LRRTM3: variants seen among roughly 807,000 people sequenced by gnomAD.
The protein encoded by LRRTM3 is leucine rich repeat transmembrane neuronal 3.
LRRTM3 carries 24 observed loss-of-function variants against 44.7 expected under a neutral mutation model. The ratio of observed to expected loss-of-function variants is 0.54; its 90% CI spans 0.39 to 0.76. The LOEUF is 0.76. Ranked by LOEUF, LRRTM3 falls within the 30% of genes least tolerant of loss-of-function variation. LRRTM3 has a pLI of 0.00. For missense variants in LRRTM3, 587 were observed against 702.2 expected (o/e 0.84, Z 1.85); for synonymous variants, 277 against 278.7 (o/e 0.99, Z 0.06).
intron 2 of LRRTM3, among the ~76,000 whole-genome samples, chr10:67,008,555 A>C (rs1405026437): frequency 1.3e-5 from 2 of 152,156 alleles, no homozygotes; most frequent in South Asian, 2.1e-4. Context: ...TGAGTTAGCA[A>C]GGCAATTCTC....
intron 2 of LRRTM3, among the ~76,000 whole-genome samples, chr10:67,003,159 T>C (rs1925614): frequency 0.52 from 79,613 of 151,990 alleles, 21,558 homozygotes; most frequent in Middle Eastern, 0.73. Context: ...ACTTCATTCC[T>C]TACCAGGATG....
Position 66,937,073 on chromosome 10 carries a change from T to C in LRRTM3, c.1536+8621T>C, listed in dbSNP as rs565717468. ...GGTAAATAATCCATGTTTCATTCAA[T>C]AAACTATATTTGAGAATTTTTTTTT... On this transcript the variant is annotated intron_variant, in intron 2 of 2. Transcript: ENST00000361320. Among the ~76,000 whole-genome samples, 22 of 152,268 alleles carry C rather than the reference T, an allele frequency of 1.4e-4. No homozygotes were observed. The South Asian group carries it at 4.3e-3, about 30-fold the overall frequency.
At chr10:66,950,031 A>T (rs959292105) in intron 2 of LRRTM3, among the ~76,000 whole-genome samples, 3 of 152,158 alleles carry the variant, frequency 2.0e-5, no homozygotes, top group African/African-American at 7.2e-5. Context: ...TTCTCTATGC[A>T]ATTACTCTTA....
intron 2 of LRRTM3, among the ~76,000 whole-genome samples, chr10:66,958,708 T>C (rs1342232414): frequency 6.6e-6 from 1 of 152,216 alleles, no homozygotes; most frequent in East Asian, 1.9e-4. Flanking sequence ...GAGCCAAATT[T>C]GACAAAGGAA....
chr10:66,961,456 C>T lies in LRRTM3; in HGVS notation c.1536+33004C>T, dbSNP rs577616707. On this transcript the variant is annotated intron_variant, in intron 2 of 2. Transcript: ENST00000361320. Reference sequence around the variant, plus strand: ...CCATCTTCATTACATTCAAGCATGCCACTCACTGGTGATTTTCTTCCAACC... The same window carrying T: ...CCATCTTCATTACATTCAAGCATGCTACTCACTGGTGATTTTCTTCCAACC... Among the ~76,000 whole-genome samples the T allele has an allele frequency of 7.2e-5, 11 of 152,276 alleles. No homozygotes were observed. In the South Asian group the frequency reaches 2.3e-3, roughly 32 times the overall value.
chr10:66,978,558 T>TATATATATATATATAC (rs1850219158), intron 2 of LRRTM3, among the ~76,000 whole-genome samples: 1 of 82,504 alleles, frequency 1.2e-5, no homozygotes. Flanking sequence ...AAAAAATATA[T>TATATATATATATATAC]ATATATATAT....
intron 2 of LRRTM3, among the ~76,000 whole-genome samples, chr10:66,958,308 C>CAAAAAAAAAAAA (rs35076056): frequency 1.2e-5 from 1 of 86,946 alleles, no homozygotes; most frequent in African/African-American, 4.1e-5. Flanking sequence ...TGCTTTCTTG[C>CAAAAAAAAAAAA]AAAAAAAAAA....
At chr10:66,940,056 G>A (rs1351467677) in intron 2 of LRRTM3, among the ~76,000 whole-genome samples, 1 of 152,040 alleles carries the variant, frequency 6.6e-6, no homozygotes, top group Non-Finnish European at 1.5e-5. Context: ...AGTAAAATAA[G>A]TAGTTAGGTT....
chr10:67,044,162 C>T (rs1025178778), intron 2 of LRRTM3, among the ~76,000 whole-genome samples: 2 of 151,942 alleles, frequency 1.3e-5, no homozygotes, highest in African/African-American at 4.8e-5. Context: ...TACCCCATGG[C>T]TAGCTCTCAC....
At chr10:66,943,465 C>A (rs572806157) in intron 2 of LRRTM3, among the ~76,000 whole-genome samples, 1 of 151,438 alleles carries the variant, frequency 6.6e-6, no homozygotes, top group East Asian at 1.9e-4. Context: ...AATTTTTTTC[C>A]TGAAATCCTG....
At chr10:67,059,231 A>G (rs1027085265) in intron 2 of LRRTM3, among the ~76,000 whole-genome samples, 2 of 152,198 alleles carry the variant, frequency 1.3e-5, no homozygotes, top group African/African-American at 4.8e-5. Flanking sequence ...GAGCCAGATC[A>G]CCATTTTCCA....
chr10:66,974,500 T>C (rs1166974961), intron 2 of LRRTM3, among the ~76,000 whole-genome samples: 1 of 152,200 alleles, frequency 6.6e-6, no homozygotes, highest in Non-Finnish European at 1.5e-5. Context: ...CATATGTTTT[T>C]ATTTCTCCTG....
At chr10:67,054,413 C>T (rs1363598883) in intron 2 of LRRTM3, among the ~76,000 whole-genome samples, 4 of 152,092 alleles carry the variant, frequency 2.6e-5, no homozygotes, top group Non-Finnish European at 5.9e-5. Context: ...AGGATCACAC[C>T]ATTGATCCAC....
At chr10:67,028,802 C>T (rs555820644) in intron 2 of LRRTM3, among the ~76,000 whole-genome samples, 1 of 152,228 alleles carries the variant, frequency 6.6e-6, no homozygotes, top group South Asian at 2.1e-4. Context: ...TCCTCCCAAG[C>T]ATTCTACAAG....
intron 2 of LRRTM3, among the ~76,000 whole-genome samples, chr10:66,931,236 A>G (rs936743036): frequency 5.9e-5 from 9 of 151,630 alleles, no homozygotes; most frequent in Non-Finnish European, 1.0e-4. Flanking sequence ...ACTATACAAC[A>G]GAACACAGAA....
At chr10:67,096,209 A>AT (rs1000690165) in intron 2 of LRRTM3, among the ~76,000 whole-genome samples, 5 of 151,746 alleles carry the variant, frequency 3.3e-5, no homozygotes, top group East Asian at 1.9e-4. Context: ...TTTATTTTTT[A>AT]TTTTTTTGAT....
At chr10:67,059,294 G>A (rs1315448928) in intron 2 of LRRTM3, among the ~76,000 whole-genome samples, 1 of 152,154 alleles carries the variant, frequency 6.6e-6, no homozygotes, top group Non-Finnish European at 1.5e-5. Context: ...TTGACATCAT[G>A]TTAGTGATGT....
chr10:66,976,763 G>A (rs989190719), intron 2 of LRRTM3, among the ~76,000 whole-genome samples: 12 of 152,174 alleles, frequency 7.9e-5, no homozygotes, highest in African/African-American at 2.9e-4. Context: ...ATTTCATCTA[G>A]AGTAAGTCTT....
At chr10:66,990,741 G>C (rs1195110096) in intron 2 of LRRTM3, among the ~76,000 whole-genome samples, 1 of 152,132 alleles carries the variant, frequency 6.6e-6, no homozygotes, top group African/African-American at 2.4e-5. Flanking sequence ...AGATAATCTG[G>C]AATTTTATGT....
Sources: gnomAD v4.1 joint callset for allele counts (sites outside exome capture counted in the v4.1 genomes callset) on GRCh38, gnomAD v4.1.1 for gene constraint, MANE v1.5 for transcripts, NCBI Gene and HGNC (gene_info 2026-07-23, HGNC 2026-07-21) for gene names.